The following RIMS2 variants were observed in gnomAD, a reference collection of about 807,000 sequenced individuals.
RIMS2 encodes regulating synaptic membrane exocytosis 2, also known as regulating synaptic membrane exocytosis protein 2.
Under a neutral mutation model 174.4 loss-of-function variants are expected in RIMS2, and 59 were observed. The observed-to-expected ratio is 0.34, with a 90% CI of 0.27 to 0.42. The LOEUF is 0.42. RIMS2 is among the 10% of genes least tolerant of loss of function. The probability of loss-of-function intolerance (pLI) is 1.00; values close to 1 mark genes in which losing one functional copy is unlikely to be tolerated. For missense variants in RIMS2, 1,620 were observed against 1,666.3 expected, an observed-to-expected ratio of 0.97 and a Z score of 0.48; for synonymous variants, 606 against 572.5, an observed-to-expected ratio of 1.06 and a Z score of -0.84.
chr8:103,770,538 T>C (rs1039609132), intron 3 of RIMS2, among the ~76,000 whole-genome samples: 6 of 152,122 alleles, frequency 3.9e-5, no homozygotes, highest in Non-Finnish European at 8.8e-5. Flanking sequence ...ATCGTGCCAT[T>C]GCATTCCAGC....
chr8:104,113,826 C>G (rs2131910779), intron 19 of RIMS2, among the ~76,000 whole-genome samples: 1 of 151,886 alleles, frequency 6.6e-6, no homozygotes, highest in East Asian at 1.9e-4. Context: ...ACAGGCTACT[C>G]CCCCTATCAA....
chr8:104,152,328 A>T (rs563552366), intron 19 of RIMS2, among the ~76,000 whole-genome samples: 49 of 152,178 alleles, frequency 3.2e-4, no homozygotes, highest in Non-Finnish European at 5.6e-4. Flanking sequence ...ATTTGCAGTT[A>T]TTCATACCTA....
At chr8:103,726,261 T>G (rs2097526551) in intron 2 of RIMS2, among the ~76,000 whole-genome samples, 1 of 152,210 alleles carries the variant, frequency 6.6e-6, no homozygotes, top group African/African-American at 2.4e-5. Flanking sequence ...AATGTTGGTT[T>G]ATAGGATGTA....
At chr8:103,586,220 A>G (rs1332921363) in intron 1 of RIMS2, among the ~76,000 whole-genome samples, 1 of 152,162 alleles carries the variant, frequency 6.6e-6, no homozygotes, top group African/African-American at 2.4e-5. Context: ...GAAACATCAG[A>G]CTTAATATTC....
chr8:103,824,777 C>A (rs12675778), intron 3 of RIMS2, among the ~76,000 whole-genome samples: 23,931 of 152,148 alleles, frequency 0.16, 1,995 homozygotes, highest in Middle Eastern at 0.24. Flanking sequence ...AACAAACTAA[C>A]GTCCAGCTGC....
intron 3 of RIMS2, 27 bp downstream of exon 6, chr8:103,766,564 A>G (rs765468806): frequency 4.1e-6 from 6 of 1,481,410 alleles, no homozygotes; most frequent in Non-Finnish European, 5.6e-6. Context: ...ATCTTTAGGC[A>G]AATGTATTAC....
intron 1 of RIMS2, among the ~76,000 whole-genome samples, chr8:103,551,573 C>T (rs1214329940): frequency 6.6e-6 from 1 of 152,116 alleles, no homozygotes; most frequent in East Asian, 1.9e-4. Context: ...CACTCCTATT[C>T]AGCATAGTGT....
intron 1 of RIMS2, among the ~76,000 whole-genome samples, chr8:103,526,331 A>G (rs192001759): frequency 2.1e-3 from 325 of 152,342 alleles, no homozygotes; most frequent in Non-Finnish European, 3.7e-3. Flanking sequence ...TTAAAGCAAA[A>G]GTAAATTCTT....
intron 2 of RIMS2, among the ~76,000 whole-genome samples, chr8:103,752,980 G>A (rs557458888): frequency 4.0e-5 from 6 of 151,850 alleles, no homozygotes; most frequent in African/African-American, 1.5e-4. Context: ...TGTTGAATAG[G>A]AGTGGTGAGA....
At chr8:103,828,710 C>T (rs980386144) in intron 3 of RIMS2, among the ~76,000 whole-genome samples, 3 of 151,736 alleles carry the variant, frequency 2.0e-5, no homozygotes, top group African/African-American at 4.8e-5. Flanking sequence ...TTTACATTTA[C>T]GTCTTTAATC....
At chr8:103,935,940 T>C (rs890511229) in intron 12 of RIMS2, among the ~76,000 whole-genome samples, 2 of 152,198 alleles carry the variant, frequency 1.3e-5, no homozygotes, top group African/African-American at 4.8e-5. Context: ...TTTATTGGGA[T>C]GGTTATCTTG....
intron 1 of RIMS2, among the ~76,000 whole-genome samples, chr8:103,528,430 C>T (rs1377334793): frequency 6.6e-6 from 1 of 152,024 alleles, no homozygotes; most frequent in Non-Finnish European, 1.5e-5. Flanking sequence ...CTTTTGTTGC[C>T]ATTGCTTTTG....
intron 1 of RIMS2, among the ~76,000 whole-genome samples, chr8:103,628,973 C>T (rs576433489): frequency 6.6e-6 from 1 of 152,170 alleles, no homozygotes; most frequent in Non-Finnish European, 1.5e-5. Context: ...AAAAACAAAG[C>T]AGCAACCTCT....
intron 4 of RIMS2, among the ~76,000 whole-genome samples, chr8:103,902,107 A>C (rs1389810803): frequency 6.6e-6 from 1 of 152,158 alleles, no homozygotes; most frequent in Non-Finnish European, 1.5e-5. Context: ...TTCCAAGTTT[A>C]ATAAGATTGT....
chr8:104,073,884 C>G (rs890726947), intron 19 of RIMS2, among the ~76,000 whole-genome samples: 1 of 152,116 alleles, frequency 6.6e-6, no homozygotes, highest in African/African-American at 2.4e-5. Context: ...AATGACAACA[C>G]AGAGCTTCAT....
chr8:103,504,827 T>A (rs1195248743), intron 1 of RIMS2, among the ~76,000 whole-genome samples: 1 of 148,962 alleles, frequency 6.7e-6, no homozygotes, highest in Non-Finnish European at 1.5e-5. Flanking sequence ...TTTTTTTCTT[T>A]CTTTTCTTTT....
At chr8:103,709,626 T>C (rs1443387425) in intron 2 of RIMS2, among the ~76,000 whole-genome samples, 2 of 152,210 alleles carry the variant, frequency 1.3e-5, no homozygotes, top group Non-Finnish European at 2.9e-5. Context: ...TTTTCCAGTC[T>C]TGCTGGTAGG....
exon 4 of RIMS2, chr8:103,886,107 A>C (rs1281347139): frequency 6.2e-7 from 1 of 1,613,066 alleles, no homozygotes; most frequent in Non-Finnish European, 8.5e-7. Context: ...AAATCAAAGA[A>C]AGGCGGTAAA....
intron 19 of RIMS2, among the ~76,000 whole-genome samples, chr8:104,100,316 A>G (rs2097847862): frequency 6.6e-6 from 1 of 152,050 alleles, no homozygotes; most frequent in Non-Finnish European, 1.5e-5. Flanking sequence ...TCCTTGCTGT[A>G]CTCATTTTTT....
Sources: gnomAD v4.1 joint callset for allele counts (sites outside exome capture counted in the v4.1 genomes callset) on GRCh38, gnomAD v4.1.1 for gene constraint, MANE v1.5 for transcripts, NCBI Gene and HGNC (gene_info 2026-07-23, HGNC 2026-07-21) for gene names.